The following MYBL1 variants were observed in gnomAD, a reference collection of about 807,000 sequenced individuals.
The protein encoded by MYBL1 is myb-related protein A.
Under a neutral mutation model 96.3 loss-of-function variants are expected in MYBL1, and 17 were observed. That is an observed-to-expected ratio of 0.18 (90% CI 0.12 to 0.26). MYBL1 has a LOEUF of 0.26. MYBL1 is among the 10% of genes least tolerant of loss of function. The pLI is 1.00. For missense variants in MYBL1, 701 were observed against 882.9 expected (o/e 0.79, Z 2.61); for synonymous variants, 282 against 292.7 (o/e 0.96, Z 0.37).
chr8:66,572,362 G>A (rs1808770068), intron 12 of MYBL1, 120 bp downstream of exon 12: 2 of 521,434 alleles, frequency 3.8e-6, no homozygotes, highest in Non-Finnish European at 3.3e-6. Flanking sequence ...AAAAGATAAA[G>A]CTTTGTATCT....
At chr8:66,573,277 AC>A (rs1808806632) in intron 11 of MYBL1, 86 bp downstream of exon 11, 16 of 1,236,898 alleles carry the variant, frequency 1.3e-5, no homozygotes, top group Non-Finnish European at 1.7e-5. Flanking sequence ...GAATTATGAT[AC>A]TTGCTATTTA....
At position 66,612,860 on chromosome 8, in the gene MYBL1, C is replaced by A; in HGVS notation, c.-22G>T. 7.4e-7 allele frequency: 1 copy of A among 1,358,010 alleles called. No individual in the cohort carries two copies. Among genetic ancestry groups the A allele is most frequent in the Non-Finnish European group, 9.6e-7 (1 of 1,044,980 alleles). 84.1% of individuals were successfully genotyped at this position (1,358,010 alleles called of 1,614,324 possible). A position where few individuals can be genotyped will look rare whatever the true frequency, so the allele number is the denominator to read the frequency against. Reference sequence around the variant, plus strand: ...CCATCCTTCAAGTACCGCATAGGAGCAGGCTGGGCGGGGACGCGGGTCAGC... The same window carrying A: ...CCATCCTTCAAGTACCGCATAGGAGAAGGCTGGGCGGGGACGCGGGTCAGC... On this transcript the variant is annotated 5_prime_UTR_variant, in exon 1 of 16. Transcript: ENST00000522677.
intron 8 of MYBL1, among the ~76,000 whole-genome samples, chr8:66,584,015 T>C (rs940046776): frequency 3.9e-5 from 6 of 152,162 alleles, no homozygotes; most frequent in South Asian, 2.1e-4. Context: ...TAAGCCAATA[T>C]CCCTGATGAA....
intron 8 of MYBL1, among the ~76,000 whole-genome samples, chr8:66,581,389 A>G (rs1809204709): frequency 6.6e-6 from 1 of 152,190 alleles, no homozygotes; most frequent in African/African-American, 2.4e-5. Context: ...TAAAAATAGC[A>G]AGAGAGAACA....
chr8:66,606,620 C>A (rs1810321155), intron 1 of MYBL1, among the ~76,000 whole-genome samples: 1 of 152,134 alleles, frequency 6.6e-6, no homozygotes, highest in South Asian at 2.1e-4. Context: ...TTGTCAATTC[C>A]ATTGGAACAA....
At chr8:66,565,416 G>A (rs1179186972) in intron 15 of MYBL1, 3 of 152,200 alleles carry the variant, frequency 2.0e-5, no homozygotes, top group Non-Finnish European at 2.9e-5. Flanking sequence ...TTAGAAAGCA[G>A]TGGCTGAAAA....
At chr8:66,608,152 T>C (rs1300458822) in intron 1 of MYBL1, among the ~76,000 whole-genome samples, 1 of 152,200 alleles carries the variant, frequency 6.6e-6, no homozygotes, top group Non-Finnish European at 1.5e-5. Context: ...AAAGAGTAAT[T>C]TTCCTAAAAA....
At chr8:66,601,106 G>A (rs989973152) in intron 3 of MYBL1, among the ~76,000 whole-genome samples, 1 of 150,248 alleles carries the variant, frequency 6.7e-6, no homozygotes, top group Non-Finnish European at 1.5e-5. Context: ...GAATCTGGGA[G>A]GCGGAGGTTG....
chr8:66,579,052 G>A (rs1381525996), intron 9 of MYBL1, among the ~76,000 whole-genome samples: 3 of 151,996 alleles, frequency 2.0e-5, no homozygotes, highest in Non-Finnish European at 4.4e-5. Flanking sequence ...GACACAGGAA[G>A]GGGAACATCA....
intron 5 of MYBL1, 68 bp downstream of exon 5, chr8:66,597,262 T>C (rs1809889195): frequency 1.8e-6 from 2 of 1,120,952 alleles, no homozygotes; most frequent in Admixed American, 6.5e-5. Flanking sequence ...CTTGCAAATG[T>C]ATTTAACAGT....
chr8:66,587,747 AT>A (rs1171972966), intron 8 of MYBL1, among the ~76,000 whole-genome samples: 1 of 152,212 alleles, frequency 6.6e-6, no homozygotes, highest in African/African-American at 2.4e-5. Context: ...CAGCTGCTCA[AT>A]ATGGGAGCCA....
intron 1 of MYBL1, among the ~76,000 whole-genome samples, chr8:66,610,989 G>C (rs529840238): frequency 6.6e-6 from 1 of 152,216 alleles, no homozygotes; most frequent in East Asian, 1.9e-4. Flanking sequence ...ACAATATTTA[G>C]ATTTCAAGCT....
rs563696219 is a variant in MYBL1 at position 66,594,974 on chromosome 8, C to T, written c.687+609G>A. On this transcript the variant is annotated intron_variant, in intron 6 of 15. Transcript: ENST00000522677. ...AACAGGTAGACAGGGAAATGTAAAA[C>T]AAATCTCATGAAGACTCCTACACTA... Among the ~76,000 whole-genome samples, 98 of 152,168 alleles carry T rather than the reference C, an allele frequency of 6.4e-4. 1 individual carries two copies. The highest frequency in any genetic ancestry group is 2.3e-3 in the African/African-American group (97 of 41,538).
At chr8:66,567,526 A>T (rs112705772) in intron 12 of MYBL1, among the ~76,000 whole-genome samples, 5 of 146,828 alleles carry the variant, frequency 3.4e-5, no homozygotes, top group Admixed American at 6.8e-5. Flanking sequence ...AGAGAGAGTG[A>T]GTGTGTGTGT....
intron 14 of MYBL1, 37 bp downstream of exon 14, chr8:66,566,647 C>A (rs766924050): frequency 1.4e-5 from 19 of 1,372,920 alleles, no homozygotes; most frequent in Admixed American, 2.0e-5. Context: ...CTTAAAGCAA[C>A]CATTTAAAAT....
At position 66,566,322 on chromosome 8, in the gene MYBL1, T is replaced by C. The variant is rs1228999109; in HGVS notation, c.1951-79A>G. The C allele has an allele frequency of 1.0e-5, 8 of 787,508 alleles. 1 individual carries two copies. In the South Asian group the frequency reaches 1.1e-4, roughly 11 times the overall value. 48.8% of individuals were successfully genotyped at this position (787,508 alleles called of 1,614,324 possible). On this transcript the variant is annotated intron_variant, in intron 14 of 15. Coordinates refer to ENST00000522677, the MANE Select transcript of MYBL1 (RefSeq NM_001080416.4). ...GGAGGGACTACTGAGTAAGTGGTAA[T>C]GGAAGCCCTGTTTATTTCCCTCCAA...
chr8:66,573,153 G>A (rs1808801230), intron 11 of MYBL1, among the ~76,000 whole-genome samples: 1 of 151,998 alleles, frequency 6.6e-6, no homozygotes, highest in South Asian at 2.1e-4. Context: ...GGCAGAGGTT[G>A]CAGTGAGCCG....
In MYBL1 at chr8:66,563,431, GAAATA is replaced by G. The variant is rs1331158082; in HGVS notation, c.*1261_*1265del. The G allele has an allele frequency of 6.6e-6, 1 of 152,356 alleles. No individual in the cohort carries two copies. The highest frequency in any genetic ancestry group is 1.5e-5 in the Non-Finnish European group (1 of 67,938). The allele number at this position is 152,356 out of a possible 1,614,324, so 9.4% of individuals were successfully genotyped here. On this transcript the variant is annotated 3_prime_UTR_variant, in exon 16 of 16. Coordinates refer to ENST00000522677, the MANE Select transcript of MYBL1 (RefSeq NM_001080416.4). ...AAGCAAATAAAAATTCTTTCAAGAA[GAAATA>G]AAATAAGTGCAAACACCTAAAACAG...
chr8:66,589,272 T>C (rs1341971601), intron 8 of MYBL1, among the ~76,000 whole-genome samples: 2 of 151,998 alleles, frequency 1.3e-5, no homozygotes, highest in African/African-American at 4.8e-5. Context: ...TTAAACATGA[T>C]ATAATCATCT....
Sources: gnomAD v4.1 joint callset for allele counts (sites outside exome capture counted in the v4.1 genomes callset) on GRCh38, gnomAD v4.1.1 for gene constraint, MANE v1.5 for transcripts, NCBI Gene and HGNC (gene_info 2026-07-23, HGNC 2026-07-21) for gene names.